The following LNX1 variants were observed in gnomAD, a reference collection of about 807,000 sequenced individuals.
The protein encoded by LNX1 is ligand of numb-protein X 1.
Under a neutral mutation model 68.4 loss-of-function variants are expected in LNX1, and 54 were observed. The observed-to-expected ratio is 0.79, with a 90% confidence interval of 0.63 to 0.99. The LOEUF is 0.99. LNX1 is among the 50% of genes least tolerant of loss of function. The pLI, the probability that LNX1 is intolerant of heterozygous loss-of-function variation, is 0.00. For missense variants in LNX1, 906 were observed against 926.4 expected, an observed-to-expected ratio of 0.98 and a Z score of 0.29; for synonymous variants, 336 against 350.0, an observed-to-expected ratio of 0.96 and a Z score of 0.45.
intron 2 of LNX1, among the ~76,000 whole-genome samples, chr4:53,544,645 T>C (rs990783597): frequency 2.6e-5 from 4 of 152,186 alleles, no homozygotes; most frequent in African/African-American, 9.7e-5. Context: ...CCCAGTACCA[T>C]GCGAGAATCT....
At chr4:53,538,187 T>C (rs1728506992) in intron 2 of LNX1, among the ~76,000 whole-genome samples, 1 of 152,220 alleles carries the variant, frequency 6.6e-6, no homozygotes, top group African/African-American at 2.4e-5. Flanking sequence ...CACACATGGC[T>C]TGAAGGATGG....
At chr4:53,470,139 C>T (rs1434546569) in intron 9 of LNX1, among the ~76,000 whole-genome samples, 2 of 152,166 alleles carry the variant, frequency 1.3e-5, no homozygotes, top group Non-Finnish European at 2.9e-5. Flanking sequence ...AAAGCTTATC[C>T]ACCATGATCA....
At chr4:53,548,674 G>A (rs1312911993) in intron 2 of LNX1, among the ~76,000 whole-genome samples, 1 of 152,150 alleles carries the variant, frequency 6.6e-6, no homozygotes, top group Non-Finnish European at 1.5e-5. Flanking sequence ...CCATTACTGG[G>A]TATAAACCCA....
chr4:53,610,941 G>T lies in LNX1; in HGVS notation c.-215+5576C>A, dbSNP rs376868367. 2.6e-5 allele frequency among the ~76,000 whole-genome samples: 4 copies of T among 151,754 alleles called. No homozygotes were observed. The South Asian group carries it at 6.2e-4, about 24-fold the overall frequency. ...AATGAGGAAATGCAAAATTATAAAA[G>T]ATCAGAAAGCAGAAAGAAGACTATA... On this transcript the variant is annotated intron_variant, in intron 2 of 3. Transcript: ENST00000504299.
intron 4 of LNX1, 55 bp from the exon 5 acceptor site, chr4:53,498,898 C>G: frequency 7.5e-7 from 1 of 1,338,770 alleles, no homozygotes; most frequent in Non-Finnish European, 1.1e-6. Context: ...ACCTTTCCAA[C>G]TACTCTTCTT....
At chr4:53,471,186 G>A (rs1182806613) in intron 9 of LNX1, among the ~76,000 whole-genome samples, 2 of 151,130 alleles carry the variant, frequency 1.3e-5, no homozygotes, top group African/African-American at 2.4e-5. Context: ...AAATAATGCC[G>A]CATATCTACA....
At chr4:53,480,457 A>G (rs1713595469) in intron 7 of LNX1, among the ~76,000 whole-genome samples, 1 of 152,222 alleles carries the variant, frequency 6.6e-6, no homozygotes, top group Non-Finnish European at 1.5e-5. Context: ...TTCAACTAAA[A>G]TTAGTTAATT....
rs567376577 is a variant in LNX1 at position 53,632,066 on chromosome 4, G to A, written c.-215+20102C>T. Among the ~76,000 whole-genome samples the A allele has an allele frequency of 1.4e-4, 21 of 152,280 alleles. 1 individual carries two copies. The highest frequency in any genetic ancestry group is 1.3e-3 in the Admixed American group (20 of 15,298). ...TTCTAATCCATTGAATCTTGACCTGGAGTGGAGGGAGGTGGGTCATTGAAG... is the reference window on the plus strand; with the variant it reads ...TTCTAATCCATTGAATCTTGACCTGAAGTGGAGGGAGGTGGGTCATTGAAG... On this transcript the variant is annotated intron_variant, in intron 1 of 2. Transcript: ENST00000507168.
intron 6 of LNX1, among the ~76,000 whole-genome samples, chr4:53,484,553 A>G (rs1159704633): frequency 6.6e-6 from 1 of 151,698 alleles, no homozygotes; most frequent in Non-Finnish European, 1.5e-5. Context: ...AGAAAGCAAG[A>G]CTCCATCTCA....
At chr4:53,491,680 A>T (rs1724681963) in intron 6 of LNX1, among the ~76,000 whole-genome samples, 1 of 151,996 alleles carries the variant, frequency 6.6e-6, no homozygotes, top group South Asian at 2.1e-4. Context: ...TGTATAAAAT[A>T]TATTTTATAT....
chr4:53,605,590 C>G (rs1733196647), intron 2 of LNX1, among the ~76,000 whole-genome samples: 1 of 152,158 alleles, frequency 6.6e-6, no homozygotes, highest in African/African-American at 2.4e-5. Context: ...ACCCTGTCCT[C>G]TCACCCCCAC....
At chr4:53,508,402 T>A in intron 2 of LNX1, 175 bp from the exon 3 acceptor site, 1 of 751,344 alleles carries the variant, frequency 1.3e-6, no homozygotes, top group Non-Finnish European at 2.1e-6. Flanking sequence ...CAATATACAT[T>A]TGCCAACCAA....
At chr4:53,631,657 CA>C (rs1200319928) in intron 1 of LNX1, among the ~76,000 whole-genome samples, 1 of 152,052 alleles carries the variant, frequency 6.6e-6, no homozygotes, top group African/African-American at 2.4e-5. Flanking sequence ...AACTTAAGAC[CA>C]TCGATCAGAA....
chr4:53,555,289 A>C (rs371519596), intron 2 of LNX1, among the ~76,000 whole-genome samples: 3 of 152,098 alleles, frequency 2.0e-5, no homozygotes, highest in African/African-American at 7.2e-5. Context: ...GGTGACAACC[A>C]CAGCCAGCCC....
intron 2 of LNX1, among the ~76,000 whole-genome samples, chr4:53,565,071 A>T (rs1730565931): frequency 2.0e-5 from 3 of 151,746 alleles, no homozygotes; most frequent in Non-Finnish European, 4.4e-5. Flanking sequence ...AGGCTGGGGG[A>T]GGGGCGCCTA....
intron 2 of LNX1, among the ~76,000 whole-genome samples, chr4:53,532,851 G>A (rs1728112056): frequency 6.6e-6 from 1 of 152,176 alleles, no homozygotes; most frequent in Non-Finnish European, 1.5e-5. Flanking sequence ...CTTCCCTCAA[G>A]GAACACTGCA....
chr4:53,534,821 A>G (rs10024162), intron 2 of LNX1, among the ~76,000 whole-genome samples: 1,723 of 152,312 alleles, frequency 0.011, 32 homozygotes, highest in African/African-American at 0.04. Flanking sequence ...ATTCAGCCAT[A>G]TACATTGTCC....
chr4:53,474,828 G>A (rs1391105428), intron 9 of LNX1, among the ~76,000 whole-genome samples: 3 of 151,968 alleles, frequency 2.0e-5, no homozygotes, highest in South Asian at 2.1e-4. Flanking sequence ...GTGCAGTGGC[G>A]CGATCTCAGC....
At chr4:53,595,857 A>G (rs1732728953), upstream of LNX1, among the ~76,000 whole-genome samples, 1 of 151,932 alleles carries the variant, frequency 6.6e-6, no homozygotes, top group Non-Finnish European at 1.5e-5. Context: ...TACTTTGCCC[A>G]TTTTGCTTCC....
Sources: allele counts gnomAD v4.1 joint callset (sites outside exome capture counted in the v4.1 genomes callset), GRCh38; gene constraint gnomAD v4.1.1; transcripts MANE v1.5; gene names NCBI Gene and HGNC (gene_info 2026-07-23, HGNC 2026-07-21).